NAT16: variants seen among roughly 807,000 people sequenced by gnomAD.
The protein encoded by NAT16 is N-acetyltransferase 16 (putative).
NAT16 carries 16 observed loss-of-function variants against 15.9 expected under a neutral mutation model. The ratio of observed to expected loss-of-function variants is 1.01; its 90% CI spans 0.68 to 1.53. NAT16 has a LOEUF of 1.53. Ranked by LOEUF, NAT16 falls within the 40% of genes most tolerant of loss-of-function variation. The pLI is 0.00. For synonymous variants in NAT16, 260 were observed against 241.9 expected (o/e 1.07, Z -0.69); for missense variants, 572 against 508.4 (o/e 1.13, Z -1.20).
At position 101,174,543 on chromosome 7, in the gene NAT16, G is replaced by A; in HGVS notation, c.265C>T (p.Arg89Trp). Residue 89 changes from arginine to tryptophan, a missense_variant, in exon 2 of 4, where the codon CGG (arginine) becomes TGG (tryptophan). Physicochemically the swap from Arg to Trp is moderately radical, Grantham distance 101. Transcript: ENST00000300303. ...AGCACCACCGTGCGGTCGGGGTCCC[G>A]GAGCCAGCTGTGGTAGCGGCTAGGA... ...YLPSRYHSWL[R>W]DPDRTVVLAK... 1 of 1,613,900 alleles carries A rather than the reference G, an allele frequency of 6.2e-7. No homozygotes were observed. The highest frequency in any genetic ancestry group is 8.5e-7 in the Non-Finnish European group (1 of 1,179,916).
At chr7:101,173,149 C>CT (rs1797374257) in intron 3 of NAT16, 147 bp downstream of exon 3, 5 of 736,534 alleles carry the variant, frequency 6.8e-6, no homozygotes, top group Admixed American at 2.2e-5. Context: ...CTGGTAAGGA[C>CT]TGGGAGTCCC....
At chr7:101,179,706 G>T (rs549279506) in intron 1 of NAT16, among the ~76,000 whole-genome samples, 18 of 151,998 alleles carry the variant, frequency 1.2e-4, no homozygotes, top group African/African-American at 4.3e-4. Context: ...CCGAGTGAGG[G>T]TCTTCCCTCT....
rs1471258779 is a variant in NAT16 at position 101,170,578 on chromosome 7, C to A, written c.*1501G>T. The A allele has an allele frequency of 6.6e-6, 1 of 152,440 alleles. No individual in the cohort carries two copies. Among genetic ancestry groups the A allele is most frequent in the African/African-American group, 2.4e-5 (1 of 41,442 alleles). 9.4% of individuals were successfully genotyped at this position (152,440 alleles called of 1,614,324 possible). On this transcript the variant is annotated 3_prime_UTR_variant, in exon 4 of 4. Transcript: ENST00000300303. ...GCAGCGTGGCCAGGCACAGGATGCA[C>A]CCAAGGAGAGCAGCACAGTAGCAAA...
At position 101,173,328 on chromosome 7, in the gene NAT16, C is replaced by T. The variant is rs780651588; in HGVS notation, c.505G>A (p.Glu169Lys). The T allele has an allele frequency of 5.0e-6, 8 of 1,613,922 alleles. No homozygotes were observed. Among genetic ancestry groups the T allele is most frequent in the Middle Eastern group, 1.7e-4 (1 of 6,024 alleles). Residue 169 changes from glutamate to lysine, a missense_variant, in exon 3 of 4, where the codon GAG (glutamate) becomes AAG (lysine). Coordinates refer to ENST00000300303, the MANE Select transcript of NAT16 (RefSeq NM_198571.3). ...LTRDDQLGPR[E>K]LKKYRLITKQ... ...GTGATTAGGCGGTATTTCTTCAGCT[C>T]CCGGGGGCCCAGCTGGTCGTCCCGG...
In NAT16 at chr7:101,174,531, G is replaced by T. The variant is rs764632562; in HGVS notation, c.277C>A (p.Arg93Ser). Reference sequence around the variant, plus strand: ...TTGCGCTTGGCCAGCACCACCGTGCGGTCGGGGTCCCGGAGCCAGCTGTGG... The same window carrying T: ...TTGCGCTTGGCCAGCACCACCGTGCTGTCGGGGTCCCGGAGCCAGCTGTGG... ...RYHSWLRDPD[R>S]TVVLAKRNGG... Residue 93 changes from arginine (R) to serine (S), a missense_variant, in exon 2 of 4, where the codon CGC (arginine) becomes AGC (serine). Coordinates refer to ENST00000300303, the MANE Select transcript of NAT16 (RefSeq NM_198571.3). 1.2e-6 allele frequency: 2 copies of T among 1,613,730 alleles called. No individual in the cohort carries two copies. Among genetic ancestry groups the T allele is most frequent in the Non-Finnish European group, 1.7e-6 (2 of 1,179,858 alleles).
chr7:101,178,025 A>G (rs992631442), intron 1 of NAT16, among the ~76,000 whole-genome samples: 23 of 152,298 alleles, frequency 1.5e-4, no homozygotes, highest in African/African-American at 5.5e-4. Flanking sequence ...CAATACCCTC[A>G]CTACCCCCAA....
intron 1 of NAT16, among the ~76,000 whole-genome samples, chr7:101,179,608 G>A (rs866036516): frequency 7.5e-6 from 1 of 134,014 alleles, no homozygotes; most frequent in Non-Finnish European, 1.6e-5. Context: ...GGCAGGGGCC[G>A]AGGAAGATGG....
chr7:101,172,785 G>T lies in NAT16; in HGVS notation c.538-134C>A. On this transcript the variant is annotated intron_variant, in intron 3 of 3. Transcript: ENST00000300303. The surrounding 1 kb of genome is among the most constrained non-coding windows in gnomAD (Gnocchi z 4.2). ...CCTGGGTCCCTCTGGAGGAGCGACC[G>T]TGAGGGCTCCGGGCCGAGTGGGGTA... 1 of 717,064 alleles carries T rather than the reference G, an allele frequency of 1.4e-6. No homozygotes were observed. The highest frequency in any genetic ancestry group is 2.2e-6 in the Non-Finnish European group (1 of 463,064). The allele number at this position is 717,064 out of a possible 1,614,324, so 44.4% of individuals were successfully genotyped here.
chr7:101,173,028 G>A (rs1406045869), intron 3 of NAT16, among the ~76,000 whole-genome samples: 1 of 152,170 alleles, frequency 6.6e-6, no homozygotes, highest in African/African-American at 2.4e-5. Context: ...ATGGCTTGGG[G>A]CCCTGAACAG....
intron 2 of NAT16, chr7:101,174,158 A>C: frequency 2.5e-6 from 1 of 406,418 alleles, no homozygotes; most frequent in Non-Finnish European, 4.3e-6. Context: ...CCCCAGCCCA[A>C]ATCTAAGCTC....
rs532463604 is a variant in NAT16, at chr7:101,174,802, C to T, written c.6G>A (p.Lys2=). ...TGGCTGTGCCACAGCTGGCTTCCAG[C>T]TTCATGACCCTGCAGAAAAAAAGAG... The part of the protein sequence containing the change: M[K]LEASCGTATS... Residue 2 remains lysine, a synonymous_variant, in exon 2 of 4, where the codon AAG becomes AAA. Coordinates refer to ENST00000300303, the MANE Select transcript of NAT16 (RefSeq NM_198571.3). The T allele has an allele frequency of 7.4e-5, 116 of 1,563,018 alleles. No individual in the cohort carries two copies. Among genetic ancestry groups the T allele is most frequent in the Middle Eastern group, 6.8e-4 (4 of 5,882 alleles).
Position 101,171,989 on chromosome 7 carries a change from C to T in NAT16, c.*90G>A. 2.2e-6 allele frequency: 2 copies of T among 907,238 alleles called. No individual in the cohort carries two copies. The highest frequency in any genetic ancestry group is 2.2e-4 in the Middle Eastern group (1 of 4,550). The allele number at this position is 907,238 out of a possible 1,614,324, so 56.2% of individuals were successfully genotyped here. On this transcript the variant is annotated 3_prime_UTR_variant, in exon 4 of 4. Coordinates refer to ENST00000300303, the MANE Select transcript of NAT16 (RefSeq NM_198571.3). ...GAGTCAGAGGGGACTTCCCAGGAGA[C>T]GCAGCGTCGGAAATGGCAGGAAAGA...
At position 101,172,492 on chromosome 7, in the gene NAT16, G is replaced by A. The variant is rs1584219349; in HGVS notation, c.697C>T (p.Gln233Ter). Residue 233 changes from glutamine (Q) to a stop codon, truncating the protein, a stop_gained, in exon 4 of 4, where the codon CAG becomes TAG. Transcript: ENST00000300303. LOFTEE classifies it low-confidence loss of function (END_TRUNC). This position sits in a 1 kb window ranked among gnomAD's most constrained non-coding sequence, Gnocchi z 4.2. ...GTCCCGCCTGGAAGCACGTCGCGCT[G>A]CACGGAGGGTGACAGCAGGAGGCGT... ...VARLLLSPSV[Q>*]RDVLPGGTII... 1 of 1,596,180 alleles carries A rather than the reference G, an allele frequency of 6.3e-7. No homozygotes were observed. The highest frequency in any genetic ancestry group is 8.5e-7 in the Non-Finnish European group (1 of 1,176,492).
At position 101,172,220 on chromosome 7, in the gene NAT16, G is replaced by A. The variant is rs1364105069; in HGVS notation, c.969C>T (p.Arg323=). The stretch of plus-strand genomic sequence containing the variant: ...GGCACATGACGTTGAGGCCAACGAG[G>A]CGCGGGGCCTGGCGCTGCAGGTGCC... ...LLWHLQRQAP[R]LVGLNVMCQL... Residue 323 remains arginine, a synonymous_variant, in exon 4 of 4, where the codon CGC becomes CGT. Transcript: ENST00000300303. The surrounding 1 kb of genome is among the most constrained non-coding windows in gnomAD (Gnocchi z 4.2). 1.2e-6 allele frequency: 2 copies of A among 1,613,576 alleles called. No individual in the cohort carries two copies. The highest frequency in any genetic ancestry group is 4.5e-5 in the East Asian group (2 of 44,874).
chr7:101,176,990 A>G (rs1263308830), intron 1 of NAT16, among the ~76,000 whole-genome samples: 1 of 152,174 alleles, frequency 6.6e-6, no homozygotes, highest in African/African-American at 2.4e-5. Context: ...TCCAAGCCAT[A>G]AACAGAGCTT....
intron 3 of NAT16, 59 bp downstream of exon 3, chr7:101,173,237 G>A (rs1436596257): frequency 1.3e-5 from 18 of 1,428,660 alleles, no homozygotes; most frequent in Non-Finnish European, 1.7e-5. Flanking sequence ...GGGTGGGGAG[G>A]GTCTCCCCAT....
chr7:101,179,212 AAGCGCCCAAAGATGAG>A (rs1409816076), intron 1 of NAT16: 1 of 152,220 alleles, frequency 6.6e-6, no homozygotes, highest in Non-Finnish European at 1.5e-5. Flanking sequence ...CAGCTGCACA[AAGCGCCCAAAGATGAG>A]AGCGAAAAGG....
chr7:101,172,793 T>C lies in NAT16; in HGVS notation c.538-142A>G. On this transcript the variant is annotated intron_variant, in intron 3 of 3. Coordinates refer to ENST00000300303, the MANE Select transcript of NAT16 (RefSeq NM_198571.3). This position sits in a 1 kb window ranked among gnomAD's most constrained non-coding sequence, Gnocchi z 4.2. ...CCTCTGGAGGAGCGACCGTGAGGGC[T>C]CCGGGCCGAGTGGGGTATGGGAAAG... 1.5e-6 allele frequency: 1 copy of C among 677,776 alleles called. No individual in the cohort carries two copies. The highest frequency in any genetic ancestry group is 2.0e-5 in the South Asian group (1 of 49,240). 42.0% of individuals were successfully genotyped at this position (677,776 alleles called of 1,614,324 possible).
In NAT16 at chr7:101,174,777, T is replaced by C; in HGVS notation, c.31A>G (p.Thr11Ala). 1 of 1,584,370 alleles carries C rather than the reference T, an allele frequency of 6.3e-7. No homozygotes were observed. Among genetic ancestry groups the C allele is most frequent in the Non-Finnish European group, 8.6e-7 (1 of 1,166,858 alleles). Residue 11 changes from threonine to alanine, a missense_variant, in exon 2 of 4, where the codon ACC becomes GCC. Coordinates refer to ENST00000300303, the MANE Select transcript of NAT16 (RefSeq NM_198571.3). Reference sequence around the variant, plus strand: ...TTTTCCGGCTTAGGGACCTCTGAGGTGGCTGTGCCACAGCTGGCTTCCAGC... The same window carrying C: ...TTTTCCGGCTTAGGGACCTCTGAGGCGGCTGTGCCACAGCTGGCTTCCAGC... MKLEASCGTA[T>A]SEVPKPEKKT...
Sources: gnomAD v4.1 joint callset for allele counts (sites outside exome capture counted in the v4.1 genomes callset) on GRCh38, gnomAD v4.1.1 for gene constraint, Gnocchi (gnomAD v3.1) non-coding constraint, MANE v1.5 for transcripts, NCBI Gene and HGNC (gene_info 2026-07-23, HGNC 2026-07-21) for gene names.